NUMB: variants seen among roughly 807,000 people sequenced by gnomAD.
The protein encoded by NUMB is protein numb homolog.
Under a neutral mutation model 59.7 loss-of-function variants are expected in NUMB, and 29 were observed. That is an observed-to-expected ratio of 0.49 (90% confidence interval 0.36 to 0.66). The LOEUF is 0.66. Among genes scored for constraint, NUMB ranks in the 30% least tolerant of loss-of-function variants. The probability of loss-of-function intolerance (pLI) is 0.00; values close to 1 mark genes in which losing one functional copy is unlikely to be tolerated. For missense variants in NUMB, 723 were observed against 822.0 expected (o/e 0.88, Z 1.47); for synonymous variants, 288 against 288.2 (o/e 1.00, Z 0.01).
chr14:73,407,111 G>C (rs1210065958), intron 2 of NUMB, among the ~76,000 whole-genome samples: 2 of 151,932 alleles, frequency 1.3e-5, no homozygotes, highest in East Asian at 3.9e-4. Context: ...CCAAGGTGCT[G>C]GGATGACAGG....
At chr14:73,303,820 G>C (rs1481769115) in intron 6 of NUMB, among the ~76,000 whole-genome samples, 1 of 151,976 alleles carries the variant, frequency 6.6e-6, no homozygotes, top group African/African-American at 2.4e-5. Context: ...ATCTAACATG[G>C]ACAGAACTTT....
At chr14:73,324,288 T>C (rs542730035) in intron 4 of NUMB, among the ~76,000 whole-genome samples, 2 of 152,324 alleles carry the variant, frequency 1.3e-5, no homozygotes, top group Admixed American at 1.3e-4. Flanking sequence ...CCATAGGTTG[T>C]CACCACCTCC....
At chr14:73,452,091 G>A (rs1412529485) in intron 1 of NUMB, among the ~76,000 whole-genome samples, 1 of 152,094 alleles carries the variant, frequency 6.6e-6, no homozygotes, top group African/African-American at 2.4e-5. Flanking sequence ...CAGGCGTGGT[G>A]GCTCACGCCT....
At chr14:73,367,348 T>TAGAGAG (rs71112740) in intron 2 of NUMB, among the ~76,000 whole-genome samples, 1,924 of 105,266 alleles carry the variant, frequency 0.018, 52 homozygotes, top group Middle Eastern at 0.029. Flanking sequence ...TATATATATA[T>TAGAGAG]AGAGAGAGAG....
intron 3 of NUMB, among the ~76,000 whole-genome samples, chr14:73,362,687 C>A (rs922454508): frequency 2.0e-5 from 3 of 152,086 alleles, no homozygotes; most frequent in Non-Finnish European, 4.4e-5. Flanking sequence ...CCACATGCCT[C>A]GGCCTCCCAA....
intron 2 of NUMB, among the ~76,000 whole-genome samples, chr14:73,397,742 C>T (rs1896205319): frequency 6.6e-6 from 1 of 152,134 alleles, no homozygotes; most frequent in South Asian, 2.1e-4. Flanking sequence ...CTATATCTTT[C>T]TGGTCATTAA....
At chr14:73,399,660 G>A (rs1215410204) in intron 2 of NUMB, among the ~76,000 whole-genome samples, 2 of 152,134 alleles carry the variant, frequency 1.3e-5, no homozygotes, top group African/African-American at 4.8e-5. Context: ...AAACTAGGAG[G>A]ACTGCTTGAG....
chr14:73,380,812 C>T (rs965978626), intron 2 of NUMB, among the ~76,000 whole-genome samples: 1 of 151,032 alleles, frequency 6.6e-6, no homozygotes, highest in African/African-American at 2.4e-5. Context: ...GCAACCACCA[C>T]CTCCCAGGTT....
Position 73,456,281 on chromosome 14 carries a change from G to C in NUMB, c.-233+2212C>G, listed in dbSNP as rs963425370. 2.6e-5 allele frequency among the ~76,000 whole-genome samples: 4 copies of C among 151,888 alleles called. No homozygotes were observed. The South Asian group carries it at 8.6e-4, about 33-fold the overall frequency. On this transcript the variant is annotated intron_variant, in intron 1 of 12. Coordinates refer to ENST00000555238, the MANE Select transcript of NUMB (RefSeq NM_001005743.2). ...CGCGCCACCACGCCCAGCTAATTTT[G>C]TATTTTTTTTAAAGATGGGGGTCTC...
intron 2 of NUMB, among the ~76,000 whole-genome samples, chr14:73,390,578 G>GAAATCA (rs1441482838): frequency 1.4e-5 from 2 of 137,954 alleles, no homozygotes; most frequent in South Asian, 2.5e-4. Context: ...CTTTGTTATA[G>GAAATCA]AAATCATTAC....
At chr14:73,351,993 AAAAAT>A (rs775353863) in intron 4 of NUMB, among the ~76,000 whole-genome samples, 27 of 151,522 alleles carry the variant, frequency 1.8e-4, no homozygotes, top group African/African-American at 4.9e-4. Flanking sequence ...AAAATAAAAT[AAAAAT>A]AAAATAAAAT....
chr14:73,437,640 A>G (rs1458571895), intron 1 of NUMB, among the ~76,000 whole-genome samples: 2 of 152,258 alleles, frequency 1.3e-5, no homozygotes, highest in Admixed American at 6.5e-5. Context: ...GATGAATCTC[A>G]AAAGTATTAA....
chr14:73,339,663 A>G (rs1265515489), intron 4 of NUMB, among the ~76,000 whole-genome samples: 1 of 152,098 alleles, frequency 6.6e-6, no homozygotes, highest in Non-Finnish European at 1.5e-5. Context: ...AAGTGTTGGG[A>G]TTACAAGCGT....
rs1270203340 is a variant in NUMB, at chr14:73,287,203, T to C, written c.562A>G (p.Thr188Ala). ...CGGAATGATCCTTCTCTTGTAAAAG[T>C]GGTCCGACTAGCATCAAAAGTAGCA... ...VTATFDASRTTFTREGSFRVT... is the reference protein window; with the variant it reads ...VTATFDASRTAFTREGSFRVT... The change falls in exon 9 of 13, where the codon ACT (threonine) becomes GCT (alanine). Residue 188 changes from threonine to alanine, a missense_variant. Around this residue, in one of 2 missense-constraint regions of NUMB, gnomAD observed 317 missense variants for 436.6 expected, o/e 0.73. Coordinates refer to ENST00000555238, the MANE Select transcript of NUMB (RefSeq NM_001005743.2). 2 of 1,613,712 alleles carry C rather than the reference T, an allele frequency of 1.2e-6. No homozygotes were observed. Among genetic ancestry groups the C allele is most frequent in the Non-Finnish European group, 1.7e-6 (2 of 1,179,998 alleles).
intron 1 of NUMB, among the ~76,000 whole-genome samples, chr14:73,430,069 G>A (rs1010128221): frequency 6.6e-6 from 1 of 151,874 alleles, no homozygotes; most frequent in East Asian, 1.9e-4. Flanking sequence ...ACCCAGGAGT[G>A]AAACTGTGGA....
At chr14:73,320,937 A>G (rs1204395109) in intron 5 of NUMB, among the ~76,000 whole-genome samples, 1 of 151,966 alleles carries the variant, frequency 6.6e-6, no homozygotes, top group African/African-American at 2.4e-5. Flanking sequence ...AGATAGTTAA[A>G]TAGTGGCTAT....
intron 1 of NUMB, among the ~76,000 whole-genome samples, chr14:73,451,434 T>TAA (rs71872203): frequency 1.4e-4 from 16 of 111,470 alleles, no homozygotes; most frequent in South Asian, 8.6e-4. Flanking sequence ...AGACACCGTC[T>TAA]AAAAAAAAAA....
intron 2 of NUMB, among the ~76,000 whole-genome samples, chr14:73,377,684 G>T (rs1408792843): frequency 2.6e-5 from 4 of 151,560 alleles, no homozygotes; most frequent in Non-Finnish European, 5.9e-5. Flanking sequence ...CCAAAATATA[G>T]GGCCGGGCAT....
rs1171734636 is a variant in NUMB, at chr14:73,398,392, C to CAGAGAG, written c.-101+11539_-101+11544dup. On this transcript the variant is annotated intron_variant, in intron 2 of 12. Coordinates refer to ENST00000555238, the MANE Select transcript of NUMB (RefSeq NM_001005743.2). ...TTTGTATATGAGAGAGAGACACACA[C>CAGAGAG]AGAGAGAGAGAGAGAGAGAGAGAGT... is the stretch of plus-strand genomic sequence containing the variant. Among the ~76,000 whole-genome samples, 67 of 133,840 alleles carry CAGAGAG rather than the reference C, an allele frequency of 5.0e-4. 1 individual carries two copies. The highest frequency in any genetic ancestry group is 1.6e-3 in the African/African-American group (56 of 34,904). The allele number at this position is 133,840 out of a possible 152,430, so 87.8% of individuals were successfully genotyped here.
Sources: allele counts gnomAD v4.1 joint callset (sites outside exome capture counted in the v4.1 genomes callset), GRCh38; gene constraint gnomAD v4.1.1; regional missense constraint gnomAD v4.1.1; transcripts MANE v1.5; gene names NCBI Gene and HGNC (gene_info 2026-07-23, HGNC 2026-07-21).